ZNF143: variants seen among roughly 807,000 people sequenced by gnomAD.
The protein encoded by ZNF143 is zinc finger protein 143, also known as SPH-binding factor.
A neutral mutation model predicts 74.1 loss-of-function variants in ZNF143; 49 were observed. The ratio of observed to expected loss-of-function variants is 0.66; its 90% CI spans 0.53 to 0.84. The LOEUF (loss-of-function observed/expected upper bound fraction) is 0.84. Ranked by LOEUF, ZNF143 falls within the 40% of genes least tolerant of loss-of-function variation. The probability of loss-of-function intolerance (pLI) is 0.00; values close to 1 mark genes in which losing one functional copy is unlikely to be tolerated. For missense variants in ZNF143, 637 were observed against 793.4 expected, an observed-to-expected ratio of 0.80 and a Z score of 2.37; for synonymous variants, 304 against 282.8, an observed-to-expected ratio of 1.07 and a Z score of -0.75.
chr11:9,472,679 G>T lies in ZNF143; in HGVS notation c.115G>T (p.Gly39Cys), dbSNP rs1311986116. 6.2e-7 allele frequency: 1 copy of T among 1,609,092 alleles called. No individual in the cohort carries two copies. The highest frequency in any genetic ancestry group is 2.2e-5 in the East Asian group (1 of 44,640). ...CLTEAVTVAD[G>C]DNLENMEGVS... is the part of the protein sequence containing the mutation. ...AAATATTGATTTTTTTGTAATAGAT[G>T]GTGACAACTTAGAAAATATGGAAGG... is the stretch of plus-strand genomic sequence containing the variant. The change falls in exon 3 of 16, where the codon GGT (glycine) becomes TGT (cysteine). Residue 39 changes from glycine (G) to cysteine (C), a missense_variant and splice_region_variant. This residue lies in a region of ZNF143 where 293 missense variants were observed against 307.8 expected (regional missense o/e 0.95). Coordinates refer to ENST00000396602, the MANE Select transcript of ZNF143 (RefSeq NM_003442.6).
intron 9 of ZNF143, 68 bp downstream of exon 9, chr11:9,496,446 G>A: frequency 7.6e-7 from 1 of 1,316,978 alleles, no homozygotes; most frequent in Non-Finnish European, 1.1e-6. Context: ...GCTAGTGGAA[G>A]GAACTGACCC....
chr11:9,472,066 C>G (rs772587471), intron 2 of ZNF143, among the ~76,000 whole-genome samples: 1 of 150,798 alleles, frequency 6.6e-6, no homozygotes, highest in Admixed American at 6.6e-5. Context: ...GTAGCTGAGA[C>G]TACAGGCACC....
intron 1 of ZNF143, among the ~76,000 whole-genome samples, chr11:9,462,703 C>A (rs889617973): frequency 6.6e-6 from 1 of 151,980 alleles, no homozygotes; most frequent in Admixed American, 6.6e-5. Flanking sequence ...GTGAAACCCC[C>A]GTCTCTGCGA....
chr11:9,507,132 GT>G (rs1848393029), intron 11 of ZNF143, among the ~76,000 whole-genome samples: 1 of 152,216 alleles, frequency 6.6e-6, no homozygotes, highest in African/African-American at 2.4e-5. Flanking sequence ...TAAGACTTAT[GT>G]TACGGTACAT....
chr11:9,471,894 G>A (rs1341171540), intron 2 of ZNF143, among the ~76,000 whole-genome samples: 1 of 150,044 alleles, frequency 6.7e-6, no homozygotes. Context: ...AGGAGGGCAG[G>A]GAATTTTTTT....
chr11:9,480,072 G>A (rs1463557985), intron 7 of ZNF143, among the ~76,000 whole-genome samples: 1 of 152,126 alleles, frequency 6.6e-6, no homozygotes, highest in African/African-American at 2.4e-5. Flanking sequence ...TGGTCTGCAG[G>A]TGGCCTGTGG....
At chr11:9,470,963 A>G (rs1390156066) in intron 1 of ZNF143, 1 of 154,028 alleles carries the variant, frequency 6.5e-6, no homozygotes, top group African/African-American at 2.4e-5. Context: ...AAATATGCTG[A>G]CACATTGTAA....
chr11:9,477,196 CCTTTCCCTCCCTTCCCTT>C (rs1314061150), intron 5 of ZNF143, among the ~76,000 whole-genome samples: 18 of 134,808 alleles, frequency 1.3e-4, no homozygotes, highest in African/African-American at 5.5e-4. Flanking sequence ...TCCTTTCCCT[CCTTTCCCTCCCTTCCCTT>C]CCTTCCCTTC....
intron 11 of ZNF143, among the ~76,000 whole-genome samples, chr11:9,506,455 A>G (rs1425111904): frequency 6.6e-6 from 1 of 152,242 alleles, no homozygotes; most frequent in African/African-American, 2.4e-5. Context: ...GGCCATACTG[A>G]TGTCTTTGGA....
At chr11:9,512,161 T>TA (rs1848573946) in intron 12 of ZNF143, among the ~76,000 whole-genome samples, 1 of 152,126 alleles carries the variant, frequency 6.6e-6, no homozygotes, top group Admixed American at 6.6e-5. Context: ...AATACACATA[T>TA]AGTATCAAGT....
chr11:9,506,099 G>C (rs1388479135), intron 11 of ZNF143, among the ~76,000 whole-genome samples: 1 of 152,130 alleles, frequency 6.6e-6, no homozygotes. Context: ...GGGAGGCCAA[G>C]GTGGGTGGAT....
chr11:9,516,244 T>A lies in ZNF143; in HGVS notation c.1568T>A (p.Ile523Asn). The change falls in exon 14 of 16, where the codon ATC (isoleucine) becomes AAC (asparagine). Residue 523 changes from isoleucine to asparagine, a missense_variant. By Grantham distance (149) the Ile-to-Asn change is moderately radical. Around this residue, in one of 2 missense-constraint regions of ZNF143, gnomAD observed 344 missense variants for 485.6 expected, o/e 0.71. Transcript: ENST00000396602. ...QADMQAIGNT[I>N]TMVTQDGTPI... is the part of the protein sequence containing the mutation. Reference sequence around the variant, plus strand: ...GACATGCAGGCCATTGGCAACACCATCACAATGGTAACGCAGGATGGCACG... The same window carrying A: ...GACATGCAGGCCATTGGCAACACCAACACAATGGTAACGCAGGATGGCACG... The A allele has an allele frequency of 6.2e-7, 1 of 1,614,042 alleles. No homozygotes were observed. The highest frequency in any genetic ancestry group is 8.5e-7 in the Non-Finnish European group (1 of 1,179,964).
intron 14 of ZNF143, among the ~76,000 whole-genome samples, chr11:9,518,723 A>G (rs75480082): frequency 7.9e-6 from 1 of 126,284 alleles, no homozygotes; most frequent in Non-Finnish European, 1.8e-5. Context: ...GTCTTAAAGA[A>G]AAAAAAAAAA....
In ZNF143 at chr11:9,478,593, C is replaced by T. The variant is rs115602882; in HGVS notation, c.570+7C>T. ...GGAACAGTATGCAGCAAAGGTATAGCATTTCACAATGTCAAGAATGTTGCA... is the reference window on the plus strand; with the variant it reads ...GGAACAGTATGCAGCAAAGGTATAGTATTTCACAATGTCAAGAATGTTGCA... On this transcript the variant is annotated splice_region_variant and intron_variant, in intron 6 of 15. Transcript: ENST00000396602. 5.2e-4 allele frequency: 840 copies of T among 1,603,260 alleles called. 4 individuals carry two copies. In the African/African-American group the frequency reaches 0.01, roughly 19 times the overall value.
intron 1 of ZNF143, among the ~76,000 whole-genome samples, chr11:9,469,460 G>C (rs1856447287): frequency 2.6e-5 from 4 of 151,950 alleles, no homozygotes; most frequent in Non-Finnish European, 5.9e-5. Flanking sequence ...TGGAACTCCT[G>C]ACCTCAGGTG....
chr11:9,503,692 G>T (rs149174415), intron 11 of ZNF143, among the ~76,000 whole-genome samples: 2 of 151,060 alleles, frequency 1.3e-5, no homozygotes, highest in African/African-American at 4.9e-5. Context: ...GCCCAGGCTG[G>T]AGTGTAGTGG....
In ZNF143 at chr11:9,485,423, T is replaced by C. The variant is rs930893162; in HGVS notation, c.645+5877T>C. ...AGTACAGTGGCACAATCTTGGCTCA[T>C]TGCAACCTCTGCCTCCCAGATTCAA... On this transcript the variant is annotated intron_variant, in intron 7 of 15. Transcript: ENST00000396602. Among the ~76,000 whole-genome samples the C allele has an allele frequency of 3.5e-4, 52 of 146,694 alleles. 2 individuals carry two copies. Among genetic ancestry groups the C allele is most frequent in the African/African-American group, 1.3e-3 (50 of 39,114 alleles).
Position 9,512,444 on chromosome 11 carries a change from A to G in ZNF143, c.1376-4A>G, listed in dbSNP as rs781420379. 1.9e-6 allele frequency: 3 copies of G among 1,610,350 alleles called. No homozygotes were observed. In the Admixed American group the frequency reaches 5.0e-5, roughly 27 times the overall value. On this transcript the variant is annotated splice_region_variant and splice_polypyrimidine_tract_variant and intron_variant, in intron 12 of 15. Coordinates refer to ENST00000396602, the MANE Select transcript of ZNF143 (RefSeq NM_003442.6). ...CAAATAAATGATTCATTTGTTTTAA[A>G]CAGGTCAAGGTGAAGATGTTCTTAA... is the stretch of plus-strand genomic sequence containing the variant.
At chr11:9,478,139 T>C (rs1847089022) in intron 5 of ZNF143, among the ~76,000 whole-genome samples, 1 of 152,226 alleles carries the variant, frequency 6.6e-6, no homozygotes, top group African/African-American at 2.4e-5. Context: ...TAATGTTTTT[T>C]AAATTTTCTG....
Sources: allele counts gnomAD v4.1 joint callset (sites outside exome capture counted in the v4.1 genomes callset), GRCh38; gene constraint gnomAD v4.1.1; regional missense constraint gnomAD v4.1.1; transcripts MANE v1.5; gene names NCBI Gene and HGNC (gene_info 2026-07-23, HGNC 2026-07-21).